TRAF2: variants seen among roughly 807,000 people sequenced by gnomAD.
TRAF2 encodes the protein TNF receptor-associated factor 2.
TRAF2 carries 6 observed loss-of-function variants against 55.6 expected under a neutral mutation model. The observed-to-expected ratio is 0.11, with a 90% CI of 0.06 to 0.21. TRAF2 has a LOEUF of 0.21. Ranked by LOEUF, TRAF2 falls within the 10% of genes least tolerant of loss-of-function variation. The pLI is 1.00. For missense variants in TRAF2, 561 were observed against 684.5 expected (o/e 0.82, Z 2.01); for synonymous variants, 329 against 276.3 (o/e 1.19, Z -1.89).
intron 5 of TRAF2, among the ~76,000 whole-genome samples, chr9:136,909,148 T>A (rs992062902): frequency 6.6e-6 from 1 of 152,208 alleles, no homozygotes; most frequent in Non-Finnish European, 1.5e-5. Context: ...CGGTGGTGGG[T>A]GTGCGTCCGT....
chr9:136,915,573 G>A (rs1850221113), intron 6 of TRAF2, among the ~76,000 whole-genome samples: 2 of 152,040 alleles, frequency 1.3e-5, no homozygotes, highest in Admixed American at 6.6e-5. Flanking sequence ...AGGTATGAGG[G>A]AGGGTGTGCT....
intron 5 of TRAF2, among the ~76,000 whole-genome samples, chr9:136,908,728 G>A (rs1850020558): frequency 6.6e-6 from 1 of 152,126 alleles, no homozygotes; most frequent in Non-Finnish European, 1.5e-5. Context: ...AAATTAGCTG[G>A]GCATGGTGGC....
At chr9:136,904,036 C>CT (rs1323210077) in intron 4 of TRAF2, among the ~76,000 whole-genome samples, 10 of 152,202 alleles carry the variant, frequency 6.6e-5, no homozygotes, top group African/African-American at 2.4e-4. Flanking sequence ...AGCAGTGAGG[C>CT]TGAGAGTAGA....
intron 1 of TRAF2, among the ~76,000 whole-genome samples, chr9:136,894,463 G>A (rs757748073): frequency 2.6e-5 from 4 of 152,170 alleles, no homozygotes; most frequent in African/African-American, 7.2e-5. Context: ...TGTCCTGGGC[G>A]CAGGCTTCTT....
At position 136,909,929 on chromosome 9, in the gene TRAF2, G is replaced by A. The variant is rs767031937; in HGVS notation, c.538G>A (p.Glu180Lys). 12 of 1,614,178 alleles carry A rather than the reference G, an allele frequency of 7.4e-6. No homozygotes were observed. The highest frequency in any genetic ancestry group is 2.2e-5 in the South Asian group (2 of 91,082). The part of the protein sequence containing the change: ...CCGADVKAHH[E>K]VCPKFPLTCD... ...ATCCCTTCTTTTGAAGGCGCACCAC[G>A]AGGTCTGCCCCAAGTTCCCCTTAAC... The change falls in exon 6 of 11, where the codon GAG becomes AAG. Residue 180 changes from glutamate (E) to lysine (K), a missense_variant. Physicochemically the swap from Glu to Lys is moderately conservative, Grantham distance 56. Transcript: ENST00000247668.
At chr9:136,885,296 C>T (rs1849424727), upstream of TRAF2, among the ~76,000 whole-genome samples, 1 of 152,168 alleles carries the variant, frequency 6.6e-6, no homozygotes, top group Non-Finnish European at 1.5e-5. Context: ...GACTTACCTC[C>T]GTGAACGTTT....
intron 6 of TRAF2, among the ~76,000 whole-genome samples, chr9:136,911,984 G>T (rs1850121394): frequency 6.6e-6 from 1 of 150,690 alleles, no homozygotes; most frequent in Non-Finnish European, 1.5e-5. Context: ...CGAGTAGCTG[G>T]GACTACAGGC....
intron 6 of TRAF2, among the ~76,000 whole-genome samples, chr9:136,913,026 A>G (rs892295731): frequency 1.3e-5 from 2 of 152,156 alleles, no homozygotes; most frequent in African/African-American, 4.8e-5. Flanking sequence ...AATCCCAGCT[A>G]CTTGGGAAGC....
intron 4 of TRAF2, 156 bp downstream of exon 4, chr9:136,900,676 AGTAT>A (rs1312091070): frequency 7.0e-6 from 5 of 716,564 alleles, no homozygotes; most frequent in Non-Finnish European, 1.3e-5. Context: ...TGCTCCTTAG[AGTAT>A]GTCCATTTAG....
intron 6 of TRAF2, among the ~76,000 whole-genome samples, chr9:136,910,564 C>T (rs1850079562): frequency 1.3e-5 from 2 of 152,224 alleles, no homozygotes; most frequent in African/African-American, 2.4e-5. Context: ...TCCCAAACTG[C>T]CTCCCTTGTT....
upstream of TRAF2, among the ~76,000 whole-genome samples, chr9:136,884,909 T>C (rs1849417289): frequency 6.6e-6 from 1 of 152,206 alleles, no homozygotes; most frequent in Non-Finnish European, 1.5e-5. Flanking sequence ...GCTTTGAGCC[T>C]CCCAGGTGCA....
chr9:136,900,531 C>T lies in TRAF2; in HGVS notation c.366+11C>T, dbSNP rs1849794187. 1.2e-6 allele frequency: 2 copies of T among 1,609,712 alleles called. No homozygotes were observed. The highest frequency in any genetic ancestry group is 8.5e-7 in the Non-Finnish European group (1 of 1,176,280). On this transcript the variant is annotated intron_variant, in intron 4 of 10. Transcript: ENST00000247668. ...CTGAAAGAATACGAGGTAAAGATGC[C>T]TGCGTGTGGCATGGTGACAGAAGCT... is the stretch of plus-strand genomic sequence containing the variant.
intron 5 of TRAF2, among the ~76,000 whole-genome samples, chr9:136,908,607 C>T (rs1440485158): frequency 2.6e-5 from 4 of 152,088 alleles, no homozygotes; most frequent in Admixed American, 2.6e-4. Flanking sequence ...CGGTTCATGC[C>T]TGTAATCCCA....
intron 1 of TRAF2, chr9:136,886,842 A>T (rs1849463198): frequency 6.4e-6 from 1 of 157,006 alleles, no homozygotes; most frequent in Non-Finnish European, 1.4e-5. Flanking sequence ...CGCGGCTCCC[A>T]GTACCGCCTG....
upstream of TRAF2, chr9:136,882,175 A>G (rs1469378014): frequency 2.1e-6 from 1 of 486,110 alleles, no homozygotes; most frequent in African/African-American, 2.1e-5. Context: ...GTAAAAGGAC[A>G]TGAGGTGTGA....
At chr9:136,911,759 GC>G (rs1262664880) in intron 6 of TRAF2, among the ~76,000 whole-genome samples, 1 of 151,848 alleles carries the variant, frequency 6.6e-6, no homozygotes, top group Non-Finnish European at 1.5e-5. Context: ...GGCTGTCTGT[GC>G]CCCCTGGCCC....
In TRAF2 at chr9:136,916,583, T is replaced by C. The variant is rs1370916218; in HGVS notation, c.646T>C (p.Cys216Arg). The C allele has an allele frequency of 4.3e-6, 7 of 1,614,042 alleles. No individual in the cohort carries two copies. Among genetic ancestry groups the C allele is most frequent in the Non-Finnish European group, 5.9e-6 (7 of 1,179,974 alleles). ...GACTTGTGGCAAGTGTCGAGTCCCT[T>C]GCAGATTCCACGCCATCGGCTGCCT... ...VKTCGKCRVP[C>R]RFHAIGCLET... Residue 216 changes from cysteine (C) to arginine (R), a missense_variant, in exon 7 of 11, where the codon TGC becomes CGC. Cys to Arg is a radical substitution (Grantham distance 180). Transcript: ENST00000247668.
At chr9:136,885,991 A>T (rs1849436776), upstream of TRAF2, 1 of 152,198 alleles carries the variant, frequency 6.6e-6, no homozygotes, top group African/African-American at 2.4e-5. Context: ...AGGCGGAGGG[A>T]CCCGCAGGTG....
chr9:136,918,259 T>TATATATATA (rs1564419549), intron 7 of TRAF2, among the ~76,000 whole-genome samples: 32 of 23,758 alleles, frequency 1.3e-3, no homozygotes, highest in African/African-American at 8.2e-3. Context: ...ATATATATAT[T>TATATATATA]TATTTAATTA....
Sources: allele counts gnomAD v4.1 joint callset (sites outside exome capture counted in the v4.1 genomes callset), GRCh38; gene constraint gnomAD v4.1.1; transcripts MANE v1.5; gene names NCBI Gene and HGNC (gene_info 2026-07-23, HGNC 2026-07-21).